CCDC14: variants seen among roughly 807,000 people sequenced by gnomAD.
CCDC14 encodes coiled-coil domain-containing protein 14.
Under a neutral mutation model 81.4 loss-of-function variants are expected in CCDC14, and 71 were observed. That is an observed-to-expected ratio of 0.87 (90% confidence interval 0.72 to 1.06). The LOEUF (loss-of-function observed/expected upper bound fraction) is 1.06, where lower values mean the gene tolerates loss of function less well. Ranked by LOEUF, CCDC14 falls within the 50% of genes least tolerant of loss-of-function variation. CCDC14 has a pLI of 0.00. For synonymous variants in CCDC14, 332 were observed against 364.8 expected (o/e 0.91, Z 1.03); for missense variants, 1,046 against 1,047.3 (o/e 1.00, Z 0.02).
At chr3:123,936,362 T>C (rs1001946883) in intron 9 of CCDC14, among the ~76,000 whole-genome samples, 20 of 152,178 alleles carry the variant, frequency 1.3e-4, no homozygotes, top group Admixed American at 1.3e-3. Context: ...AATATTTCTT[T>C]TATTCAAGTC....
chr3:123,916,866 G>A (rs2034731346), intron 12 of CCDC14, among the ~76,000 whole-genome samples: 1 of 151,832 alleles, frequency 6.6e-6, no homozygotes, highest in Non-Finnish European at 1.5e-5. Context: ...TTGAGATGGA[G>A]TCTCACTCTA....
intron 12 of CCDC14, among the ~76,000 whole-genome samples, chr3:123,930,303 A>G (rs2035619635): frequency 6.6e-6 from 1 of 152,214 alleles, no homozygotes; most frequent in South Asian, 2.1e-4. Flanking sequence ...TTCAAAATCG[A>G]TCTGTTCATT....
intron 12 of CCDC14, among the ~76,000 whole-genome samples, chr3:123,926,131 T>C (rs948266854): frequency 1.3e-5 from 2 of 152,208 alleles, no homozygotes; most frequent in Non-Finnish European, 2.9e-5. Context: ...ACTGTTGCTA[T>C]AGATAAAATC....
At chr3:123,918,741 G>A (rs938197544) in intron 12 of CCDC14, among the ~76,000 whole-genome samples, 1 of 152,146 alleles carries the variant, frequency 6.6e-6, no homozygotes, top group African/African-American at 2.4e-5. Flanking sequence ...TTCCTACAGG[G>A]CTAGAACACT....
the CCDC14 span, among the ~76,000 whole-genome samples, chr3:123,887,422 T>C: frequency 6.6e-6 from 1 of 152,202 alleles, no homozygotes; most frequent in Non-Finnish European, 1.5e-5. Context: ...AAGGTCAATT[T>C]TGTTGGATTC....
intron 5 of CCDC14, among the ~76,000 whole-genome samples, chr3:123,904,914 A>G (rs2034272503): frequency 6.6e-6 from 1 of 152,146 alleles, no homozygotes; most frequent in Non-Finnish European, 1.5e-5. Context: ...TTGCAGATGA[A>G]TGGGGGGAGA....
At chr3:123,925,767 T>C (rs1489413232) in intron 12 of CCDC14, among the ~76,000 whole-genome samples, 1 of 152,152 alleles carries the variant, frequency 6.6e-6, no homozygotes, top group African/African-American at 2.4e-5. Context: ...TAATCCAACA[T>C]TGCTAAAAAA....
chr3:123,931,013 G>A, intron 12 of CCDC14, 89 bp downstream of exon 12: 1 of 1,086,720 alleles, frequency 9.2e-7, no homozygotes, highest in Non-Finnish European at 1.3e-6. Flanking sequence ...AAGATATGGG[G>A]GAGAAAACAG....
intron 12 of CCDC14, among the ~76,000 whole-genome samples, chr3:123,922,259 A>T (rs2035090354): frequency 6.6e-6 from 1 of 152,188 alleles, no homozygotes; most frequent in African/African-American, 2.4e-5. Context: ...CAATAAACAT[A>T]TATCAAAAAA....
intron 5 of CCDC14, among the ~76,000 whole-genome samples, chr3:123,904,224 A>G (rs1175266979): frequency 1.3e-5 from 2 of 152,160 alleles, no homozygotes; most frequent in Non-Finnish European, 2.9e-5. Flanking sequence ...TCAGAAAATC[A>G]AAATACAGAA....
At chr3:123,950,053 A>G (rs189876163) in intron 5 of CCDC14, among the ~76,000 whole-genome samples, 27 of 152,332 alleles carry the variant, frequency 1.8e-4, no homozygotes, top group African/African-American at 6.3e-4. Context: ...AAAAAACAAC[A>G]AAGTTTTCTA....
At chr3:123,951,638 C>T (rs2037026060) in intron 5 of CCDC14, among the ~76,000 whole-genome samples, 2 of 152,210 alleles carry the variant, frequency 1.3e-5, no homozygotes, top group Admixed American at 6.5e-5. Flanking sequence ...TCCTCTGGTC[C>T]TTAAGAATTG....
At chr3:123,925,311 T>C (rs2035298712) in intron 12 of CCDC14, among the ~76,000 whole-genome samples, 1 of 152,146 alleles carries the variant, frequency 6.6e-6, no homozygotes, top group African/African-American at 2.4e-5. Flanking sequence ...GAATAGTGGT[T>C]ACCAGAGACT....
chr3:123,921,769 C>T (rs1180858868), intron 12 of CCDC14, among the ~76,000 whole-genome samples: 5 of 152,136 alleles, frequency 3.3e-5, no homozygotes, highest in African/African-American at 1.2e-4. Flanking sequence ...AAAAAAATCT[C>T]ATAATGTTTT....
At chr3:123,937,558 A>G (rs142280354) in intron 9 of CCDC14, among the ~76,000 whole-genome samples, 11 of 152,052 alleles carry the variant, frequency 7.2e-5, no homozygotes, top group African/African-American at 2.6e-4. Context: ...TATACATTCT[A>G]ATACAAGTCC....
intron 5 of CCDC14, chr3:123,955,639 T>A (rs922040009): frequency 5.6e-5 from 22 of 392,368 alleles, no homozygotes; most frequent in Non-Finnish European, 9.7e-5. Flanking sequence ...GACAGTCTCT[T>A]TTTCTATTTT....
At chr3:123,916,277 G>A (rs922219594) in intron 12 of CCDC14, among the ~76,000 whole-genome samples, 2 of 152,066 alleles carry the variant, frequency 1.3e-5, no homozygotes, top group Non-Finnish European at 2.9e-5. Flanking sequence ...GGGATTACAG[G>A]TATAAGCCAC....
Position 123,956,667 on chromosome 3 carries a change from C to T in CCDC14, c.86+73G>A, listed in dbSNP as rs546580834. The T allele has an allele frequency of 1.8e-4, 221 of 1,232,734 alleles. No individual in the cohort carries two copies. In the East Asian group the frequency reaches 4.3e-3, roughly 24 times the overall value. The allele number at this position is 1,232,734 out of a possible 1,614,324, so 76.4% of individuals were successfully genotyped here. Reference sequence around the variant, plus strand: ...GGCCTACCTAATTTTCTGGGGTAGACGACATGTCATCCAGCCCAAAGACCT... The same window carrying T: ...GGCCTACCTAATTTTCTGGGGTAGATGACATGTCATCCAGCCCAAAGACCT... On this transcript the variant is annotated intron_variant, in intron 2 of 12. Transcript: ENST00000409697.
chr3:123,958,485 T>C (rs2037476560), intron 1 of CCDC14: 1 of 152,136 alleles, frequency 6.6e-6, no homozygotes, highest in Non-Finnish European at 1.5e-5. Context: ...GTTTCTACTA[T>C]GAAATAATAG....
Sources: gnomAD v4.1 joint callset for allele counts (sites outside exome capture counted in the v4.1 genomes callset) on GRCh38, gnomAD v4.1.1 for gene constraint, MANE v1.5 for transcripts, NCBI Gene and HGNC (gene_info 2026-07-23, HGNC 2026-07-21) for gene names.